The following KMT2E variants were observed in gnomAD, a reference collection of about 807,000 sequenced individuals.
KMT2E encodes the protein histone reader KMT2E.
Under a neutral mutation model 184.6 loss-of-function variants are expected in KMT2E, and 30 were observed. The observed-to-expected ratio is 0.16, with a 90% confidence interval of 0.12 to 0.22. The LOEUF (loss-of-function observed/expected upper bound fraction) is 0.22, where lower values mean the gene tolerates loss of function less well. KMT2E is among the 10% of genes least tolerant of loss of function. The probability of loss-of-function intolerance (pLI) is 1.00; values close to 1 mark genes in which losing one functional copy is unlikely to be tolerated. For synonymous variants in KMT2E, 815 were observed against 776.5 expected (o/e 1.05, Z -0.82); for missense variants, 2,023 against 2,237.4 (o/e 0.90, Z 1.93).
intron 23 of KMT2E, 72 bp downstream of exon 23, chr7:105,109,300 T>C: frequency 1.4e-6 from 2 of 1,471,452 alleles, no homozygotes; most frequent in African/African-American, 1.4e-5. Flanking sequence ...TATTTGTTGT[T>C]CTCCCAAGGC....
Position 105,112,008 on chromosome 7 carries a change from C to T in KMT2E, c.4252C>T (p.Gln1418Ter). Residue 1418 changes from glutamine to a stop codon, truncating the protein, a stop_gained, in exon 27 of 27, where the codon CAG (glutamine) becomes TAG (stop). Transcript: ENST00000311117. LOFTEE classifies it high-confidence loss of function. The stretch of plus-strand genomic sequence containing the variant: ...AGCACTTTCAAAGAATCATCCTCCT[C>T]AGACACACGTTCGTAATTCATCTGA... ...NQALSKNHPP[Q>*]THVRNSSEQL... 6.2e-7 allele frequency: 1 copy of T among 1,614,188 alleles called. No homozygotes were observed. The highest frequency in any genetic ancestry group is 8.5e-7 in the Non-Finnish European group (1 of 1,180,022).
chr7:105,065,122 C>T (rs1379280639), intron 5 of KMT2E, among the ~76,000 whole-genome samples: 1 of 152,104 alleles, frequency 6.6e-6, no homozygotes, highest in Middle Eastern at 3.2e-3. Flanking sequence ...ATATTTGTTA[C>T]TCTGTTTTTC....
intron 1 of KMT2E, among the ~76,000 whole-genome samples, chr7:105,022,823 TA>T (rs2129564070): frequency 6.6e-6 from 1 of 152,318 alleles, no homozygotes; most frequent in South Asian, 2.1e-4. Context: ...TGTTTCTGGA[TA>T]GTTGGGATTG....
intron 17 of KMT2E, 84 bp from the exon 18 acceptor site, chr7:105,105,354 CA>C (rs1303997522): frequency 6.2e-6 from 6 of 974,900 alleles, no homozygotes; most frequent in Non-Finnish European, 9.0e-6. Context: ...TTAGATAATA[CA>C]CCAATTTCAA....
chr7:105,060,695 CAA>C (rs1017426969), intron 3 of KMT2E, among the ~76,000 whole-genome samples: 1 of 152,122 alleles, frequency 6.6e-6, no homozygotes, highest in African/African-American at 2.4e-5. Context: ...CTCAGACTCC[CAA>C]AGTGTTGAGA....
intron 1 of KMT2E, among the ~76,000 whole-genome samples, chr7:105,024,363 G>A (rs188976552): frequency 9.9e-5 from 15 of 152,200 alleles, no homozygotes; most frequent in Admixed American, 9.2e-4. Context: ...AAGGTATGGC[G>A]GAAGGTACAA....
chr7:105,034,467 C>T (rs951715815), intron 1 of KMT2E, among the ~76,000 whole-genome samples: 1 of 152,206 alleles, frequency 6.6e-6, no homozygotes, highest in Non-Finnish European at 1.5e-5. Context: ...CCTGGCCTCA[C>T]GTGATCCTTC....
chr7:105,042,868 A>G (rs1795941489), intron 3 of KMT2E, among the ~76,000 whole-genome samples: 1 of 152,246 alleles, frequency 6.6e-6, no homozygotes, highest in Admixed American at 6.5e-5. Flanking sequence ...ACACCTATTA[A>G]TATAACAATT....
intron 3 of KMT2E, among the ~76,000 whole-genome samples, chr7:105,042,310 G>A (rs1795915924): frequency 6.6e-6 from 1 of 152,094 alleles, no homozygotes; most frequent in African/African-American, 2.4e-5. Flanking sequence ...GCTGTTCTTA[G>A]GGTAATGCTG....
intron 8 of KMT2E, 45 bp from the exon 9 acceptor site, chr7:105,075,998 G>T: frequency 7.1e-7 from 1 of 1,409,156 alleles, no homozygotes. Flanking sequence ...TATTAATTAT[G>T]TCCAGTTTTT....
At chr7:105,042,252 A>G (rs1413588300) in intron 3 of KMT2E, among the ~76,000 whole-genome samples, 1 of 152,148 alleles carries the variant, frequency 6.6e-6, no homozygotes. Flanking sequence ...TGGCCCCCCA[A>G]AGTGCTGGGA....
chr7:105,100,216 T>C (rs2129569414), intron 15 of KMT2E, among the ~76,000 whole-genome samples: 1 of 152,296 alleles, frequency 6.6e-6, no homozygotes, highest in Non-Finnish European at 1.5e-5. Context: ...CTTAGAAGTA[T>C]TATTAGAGTA....
At chr7:105,073,549 A>G in intron 6 of KMT2E, 70 bp from the exon 7 acceptor site, 2 of 944,956 alleles carry the variant, frequency 2.1e-6, no homozygotes, top group Non-Finnish European at 3.3e-6. Context: ...ATAAATTAAA[A>G]AGTTTATCAC....
intron 17 of KMT2E, chr7:105,103,628 G>C (rs1798753201): frequency 6.6e-6 from 1 of 152,092 alleles, no homozygotes; most frequent in South Asian, 2.1e-4. Flanking sequence ...GACTCCATGT[G>C]TTTCACTACT....
At chr7:105,017,848 T>A (rs1296576965) in intron 1 of KMT2E, among the ~76,000 whole-genome samples, 2 of 152,224 alleles carry the variant, frequency 1.3e-5, no homozygotes, top group East Asian at 3.8e-4. Flanking sequence ...GATTCCAGTT[T>A]AAGTGTAGAG....
chr7:105,067,614 AGTATATATGTATTTGTGT>A (rs1456348073), intron 6 of KMT2E, among the ~76,000 whole-genome samples: 1 of 152,166 alleles, frequency 6.6e-6, no homozygotes, highest in African/African-American at 2.4e-5. Flanking sequence ...TGTATATTTC[AGTATATATGTATTTGTGT>A]GTATATATAT....
At chr7:105,043,438 G>A (rs955378087) in intron 3 of KMT2E, among the ~76,000 whole-genome samples, 3 of 151,438 alleles carry the variant, frequency 2.0e-5, no homozygotes, top group East Asian at 1.9e-4. Flanking sequence ...GGGTTTCACC[G>A]TTTTAGCCGG....
At chr7:105,027,511 G>C (rs1795221141) in intron 1 of KMT2E, among the ~76,000 whole-genome samples, 1 of 152,036 alleles carries the variant, frequency 6.6e-6, no homozygotes, top group Non-Finnish European at 1.5e-5. Context: ...TTCAAGGCAG[G>C]CTACTCTAAA....
rs371088361 is a variant in KMT2E at position 105,073,657 on chromosome 7, G to A, written c.536G>A (p.Arg179Gln). ...GAGAGGGCAGTGCTACTACAACGCC[G>A]GAAAAGGGAAAATATGTCAGGTAGG... is the stretch of plus-strand genomic sequence containing the variant. ...DKERAVLLQR[R>Q]KRENMSDGDT... Residue 179 changes from arginine to glutamine, a missense_variant, in exon 7 of 27, where the codon CGG becomes CAG. Arg to Gln is a conservative substitution (Grantham distance 43, BLOSUM62 1). Coordinates refer to ENST00000311117, the MANE Select transcript of KMT2E (RefSeq NM_182931.3). 2.4e-5 allele frequency: 38 copies of A among 1,603,368 alleles called. No homozygotes were observed. The highest frequency in any genetic ancestry group is 2.9e-5 in the Non-Finnish European group (34 of 1,171,376).
Sources: allele counts gnomAD v4.1 joint callset (sites outside exome capture counted in the v4.1 genomes callset), GRCh38; gene constraint gnomAD v4.1.1; transcripts MANE v1.5; gene names NCBI Gene and HGNC (gene_info 2026-07-23, HGNC 2026-07-21).